The following GALNT13 variants were observed in gnomAD, a reference collection of about 807,000 sequenced individuals.
GALNT13 encodes UDP-GalNAc:polypeptide N-acetylgalactosaminyltransferase 13.
Under a neutral mutation model 64.2 loss-of-function variants are expected in GALNT13, and 28 were observed. That is an observed-to-expected ratio of 0.44 (90% CI 0.32 to 0.60). GALNT13 has a LOEUF of 0.60. GALNT13 is among the 20% of genes least tolerant of loss of function. The probability of loss-of-function intolerance (pLI) is 0.05; values close to 1 mark genes in which losing one functional copy is unlikely to be tolerated. For missense variants in GALNT13, 577 were observed against 669.8 expected, an observed-to-expected ratio of 0.86 and a Z score of 1.53; for synonymous variants, 214 against 224.6, an observed-to-expected ratio of 0.95 and a Z score of 0.42.
chr2:154,446,340 C>T (rs2696024), intron 12 of GALNT13: 23,534 of 305,534 alleles, frequency 0.077, 1,088 homozygotes, highest in South Asian at 0.17. Context: ...ATTATTTTAT[C>T]GTAAGCCCCT....
At chr2:153,150,953 C>A in the GALNT13 span, among the ~76,000 whole-genome samples, 1 of 151,946 alleles carries the variant, frequency 6.6e-6, no homozygotes, top group Admixed American at 6.6e-5. Context: ...CTTGGCAATG[C>A]GGGCTCTTTT....
the GALNT13 span, among the ~76,000 whole-genome samples, chr2:153,214,603 A>T: frequency 2.2e-3 from 337 of 152,300 alleles, 2 homozygotes; most frequent in African/African-American, 7.6e-3. Flanking sequence ...ACACGCTGCA[A>T]TGTTCTCTTT....
intron 7 of GALNT13, among the ~76,000 whole-genome samples, chr2:154,251,013 C>T (rs2105887371): frequency 6.6e-6 from 1 of 152,080 alleles, no homozygotes; most frequent in Admixed American, 6.6e-5. Flanking sequence ...AAAATTATCT[C>T]CTCAGATAAA....
At chr2:153,966,452 G>T (rs1409807265) in intron 3 of GALNT13, among the ~76,000 whole-genome samples, 2 of 150,690 alleles carry the variant, frequency 1.3e-5, no homozygotes, top group African/African-American at 2.4e-5. Context: ...TGCAAGCTCC[G>T]CCTGCCGGGT....
intron 3 of GALNT13, among the ~76,000 whole-genome samples, chr2:154,019,749 G>A (rs1362622304): frequency 2.0e-5 from 3 of 150,996 alleles, no homozygotes; most frequent in East Asian, 2.0e-4. Context: ...TGTGCACAAC[G>A]TACAGGTTTG....
intron 11 of GALNT13, among the ~76,000 whole-genome samples, chr2:154,418,705 T>G (rs537212291): frequency 3.7e-4 from 56 of 152,300 alleles, no homozygotes; most frequent in African/African-American, 1.3e-3. Flanking sequence ...TGATAATTTG[T>G]TTTATCAACG....
the GALNT13 span, among the ~76,000 whole-genome samples, chr2:153,782,366 C>T: frequency 2.0e-5 from 3 of 152,104 alleles, no homozygotes; most frequent in Non-Finnish European, 4.4e-5. Flanking sequence ...ATAGCCTATT[C>T]CTCCTAGGGT....
At chr2:153,653,219 A>T in the GALNT13 span, among the ~76,000 whole-genome samples, 1 of 152,308 alleles carries the variant, frequency 6.6e-6, no homozygotes, top group Admixed American at 6.5e-5. Context: ...ACATGTGAAG[A>T]GAAGGAGGGG....
chr2:153,740,511 G>C, the GALNT13 span, among the ~76,000 whole-genome samples: 5 of 151,956 alleles, frequency 3.3e-5, no homozygotes, highest in African/African-American at 7.2e-5. Flanking sequence ...TAAAGTTTTT[G>C]TGTGCCAATT....
At chr2:153,841,756 AT>A in the GALNT13 span, among the ~76,000 whole-genome samples, 9 of 152,312 alleles carry the variant, frequency 5.9e-5, no homozygotes, top group African/African-American at 2.2e-4. Flanking sequence ...CTCAAGTTTA[AT>A]GTATAACTTC....
chr2:153,872,822 GC>G (rs1017465318), intron 1 of GALNT13, among the ~76,000 whole-genome samples: 1 of 152,082 alleles, frequency 6.6e-6, no homozygotes, highest in African/African-American at 2.4e-5. Flanking sequence ...TTCGTATAGT[GC>G]CCCCTTTGCC....
chr2:153,104,295 C>T, the GALNT13 span, among the ~76,000 whole-genome samples: 1 of 152,140 alleles, frequency 6.6e-6, no homozygotes, highest in Non-Finnish European at 1.5e-5. Flanking sequence ...ACTGACAGTT[C>T]ACAGTCTAGA....
intron 3 of GALNT13, among the ~76,000 whole-genome samples, chr2:154,032,920 C>A (rs1300133841): frequency 8.2e-6 from 1 of 121,622 alleles, no homozygotes; most frequent in South Asian, 2.7e-4. Context: ...TTACTAAAAT[C>A]ACGTATTTGT....
chr2:153,648,405 C>A, the GALNT13 span, among the ~76,000 whole-genome samples: 1 of 152,176 alleles, frequency 6.6e-6, no homozygotes, highest in Non-Finnish European at 1.5e-5. Context: ...ATCATGTCAT[C>A]TGCTAACAGG....
At chr2:153,996,101 T>C (rs1695506348) in intron 3 of GALNT13, among the ~76,000 whole-genome samples, 1 of 152,182 alleles carries the variant, frequency 6.6e-6, no homozygotes, top group Non-Finnish European at 1.5e-5. Context: ...ATTGCTTCCA[T>C]CTCTTGACTG....
the GALNT13 span, among the ~76,000 whole-genome samples, chr2:153,651,937 A>G: frequency 3.9e-5 from 6 of 152,178 alleles, no homozygotes; most frequent in African/African-American, 1.4e-4. Flanking sequence ...TAAATTTTTC[A>G]GCACCAGTGG....
At chr2:153,918,415 G>A (rs1205814381) in intron 2 of GALNT13, among the ~76,000 whole-genome samples, 3 of 152,006 alleles carry the variant, frequency 2.0e-5, no homozygotes, top group African/African-American at 2.4e-5. Flanking sequence ...TTTCTAGAGC[G>A]GTATCTTCCA....
intron 4 of GALNT13, among the ~76,000 whole-genome samples, chr2:154,212,283 C>T (rs1444828852): frequency 2.0e-5 from 3 of 151,702 alleles, no homozygotes; most frequent in East Asian, 1.9e-4. Flanking sequence ...CTTGCTCTAT[C>T]GCCCAGGCTG....
At chr2:154,413,450 A>T (rs1699878041) in intron 11 of GALNT13, among the ~76,000 whole-genome samples, 1 of 151,950 alleles carries the variant, frequency 6.6e-6, no homozygotes, top group South Asian at 2.1e-4. Flanking sequence ...ATGCTACATT[A>T]GTTTAACATC....
Sources: gnomAD v4.1 joint callset for allele counts (sites outside exome capture counted in the v4.1 genomes callset) on GRCh38, gnomAD v4.1.1 for gene constraint, MANE v1.5 for transcripts, NCBI Gene and HGNC (gene_info 2026-07-23, HGNC 2026-07-21) for gene names.